Variants in RAD54L2 observed in about 807,000 individuals in gnomAD.
The protein encoded by RAD54L2 is RAD54 like 2.
Under a neutral mutation model 138.4 loss-of-function variants are expected in RAD54L2, and 27 were observed. That is an observed-to-expected ratio of 0.20 (90% CI 0.14 to 0.27). RAD54L2 has a LOEUF of 0.27. Among genes scored for constraint, RAD54L2 ranks in the 10% least tolerant of loss-of-function variants. RAD54L2 has a pLI of 1.00. For missense variants in RAD54L2, 1,396 were observed against 1,890.2 expected, an observed-to-expected ratio of 0.74 and a Z score of 4.85; for synonymous variants, 644 against 723.2, an observed-to-expected ratio of 0.89 and a Z score of 1.76.
intron 2 of RAD54L2, among the ~76,000 whole-genome samples, chr3:51,545,084 A>T (rs1487850792): frequency 1.3e-5 from 2 of 152,192 alleles, no homozygotes; most frequent in African/African-American, 4.8e-5. Context: ...TGCTCAGTCT[A>T]ATACTGTACT....
intron 2 of RAD54L2, among the ~76,000 whole-genome samples, chr3:51,560,726 T>C (rs1405876581): frequency 3.3e-5 from 5 of 152,168 alleles, no homozygotes; most frequent in Non-Finnish European, 5.9e-5. Flanking sequence ...AATCCCCTTT[T>C]ATTCCGCCTT....
At chr3:51,612,473 A>G (rs1193404178) in intron 3 of RAD54L2, among the ~76,000 whole-genome samples, 1 of 152,170 alleles carries the variant, frequency 6.6e-6, no homozygotes, top group Non-Finnish European at 1.5e-5. Context: ...AAACAAAACA[A>G]AACAAAACAA....
intron 7 of RAD54L2, among the ~76,000 whole-genome samples, chr3:51,632,413 C>A (rs1464399796): frequency 2.0e-5 from 3 of 152,136 alleles, no homozygotes; most frequent in Non-Finnish European, 2.9e-5. Flanking sequence ...CCTGCCTCAG[C>A]CTCCCAAGTA....
intron 2 of RAD54L2, among the ~76,000 whole-genome samples, chr3:51,587,937 G>A (rs753623839): frequency 2.3e-4 from 35 of 151,908 alleles, no homozygotes; most frequent in Non-Finnish European, 3.8e-4. Context: ...GGCCGGGTGC[G>A]GTGGCTCATG....
intron 3 of RAD54L2, among the ~76,000 whole-genome samples, chr3:51,621,564 C>T (rs1170910612): frequency 1.3e-5 from 2 of 152,172 alleles, no homozygotes; most frequent in African/African-American, 2.4e-5. Flanking sequence ...GAAGCCAGAA[C>T]AAGGAAATAC....
chr3:51,613,471 G>A (rs753487975), intron 3 of RAD54L2, among the ~76,000 whole-genome samples: 1 of 152,200 alleles, frequency 6.6e-6, no homozygotes, highest in East Asian at 1.9e-4. Context: ...ATTTAAGATG[G>A]TTAAAAAGGC....
At chr3:51,572,725 G>C (rs1325235505) in intron 2 of RAD54L2, among the ~76,000 whole-genome samples, 2 of 146,242 alleles carry the variant, frequency 1.4e-5, no homozygotes, top group Non-Finnish European at 3.0e-5. Context: ...TGCAACCTCC[G>C]CCTCCCGGGT....
rs1206520400 is a variant in RAD54L2 at position 51,662,990 on chromosome 3, CCTA to C, written c.3979_3981del (p.Tyr1327del). On this transcript the variant is annotated inframe_deletion, in exon 23 of 23. Coordinates refer to ENST00000684192, the MANE Select transcript of RAD54L2 (RefSeq NM_015106.4). This position sits in a 1 kb window ranked among gnomAD's most constrained non-coding sequence, Gnocchi z 4.6. The stretch of plus-strand genomic sequence containing the variant: ...TCCCTGTTTATGGGCAGTACCCCCT[CCTA>C]CTACCAGCTGTCCAATTTGCTGGCA... The C allele has an allele frequency of 3.7e-6, 6 of 1,613,914 alleles. No individual in the cohort carries two copies. The highest frequency in any genetic ancestry group is 1.3e-5 in the African/African-American group (1 of 74,924).
At chr3:51,547,658 T>G (rs1362251125) in intron 2 of RAD54L2, among the ~76,000 whole-genome samples, 1 of 151,318 alleles carries the variant, frequency 6.6e-6, no homozygotes, top group Non-Finnish European at 1.5e-5. Flanking sequence ...CTCAGCTCAC[T>G]GCAGCTTCCA....
At chr3:51,592,309 C>T (rs1699857129) in intron 3 of RAD54L2, among the ~76,000 whole-genome samples, 1 of 151,826 alleles carries the variant, frequency 6.6e-6, no homozygotes, top group Non-Finnish European at 1.5e-5. Context: ...GTGATCTGCC[C>T]GCCTTGGCCT....
intron 1 of RAD54L2, among the ~76,000 whole-genome samples, chr3:51,539,481 A>C (rs782057827): frequency 2.6e-5 from 4 of 152,252 alleles, no homozygotes; most frequent in Admixed American, 6.5e-5. Flanking sequence ...AGAGTTAAGC[A>C]GAGAGCTGGA....
In RAD54L2 at chr3:51,638,550, A is replaced by C. The variant is rs759789551; in HGVS notation, c.1860+229A>C. On this transcript the variant is annotated intron_variant, in intron 12 of 22. Coordinates refer to ENST00000684192, the MANE Select transcript of RAD54L2 (RefSeq NM_015106.4). This position sits in a 1 kb window ranked among gnomAD's most constrained non-coding sequence, Gnocchi z 4.3. ...GTGTAATATAACTGATGCCCCCTGC[A>C]GTGTGCAACTCAGCTGCACAACTTG... 1.0e-5 allele frequency: 5 copies of C among 479,960 alleles called. No individual in the cohort carries two copies. Among genetic ancestry groups the C allele is most frequent in the Non-Finnish European group, 1.5e-5 (4 of 272,226 alleles). The allele number at this position is 479,960 out of a possible 1,614,324, so 29.7% of individuals were successfully genotyped here. A position where few individuals can be genotyped will look rare whatever the true frequency, so the allele number is the denominator to read the frequency against.
chr3:51,615,153 A>G (rs1487548123), intron 3 of RAD54L2, among the ~76,000 whole-genome samples: 2 of 152,254 alleles, frequency 1.3e-5, no homozygotes, highest in African/African-American at 4.8e-5. Flanking sequence ...AGCTGGGATT[A>G]CAGGCACCCA....
rs574664870 is a variant in RAD54L2, at chr3:51,564,173, T to C, written c.-55+22523T>C. On this transcript the variant is annotated intron_variant, in intron 2 of 22. Transcript: ENST00000684192. ...CTTAGGAAATCTCAGGCCAGGCTTC[T>C]TTTCTATTCTTCTCTTAAATTGCGA... 2.0e-5 allele frequency among the ~76,000 whole-genome samples: 3 copies of C among 152,302 alleles called. No homozygotes were observed. In the South Asian group the frequency reaches 6.2e-4, roughly 32 times the overall value.
chr3:51,616,473 A>T (rs1172804597), intron 3 of RAD54L2, among the ~76,000 whole-genome samples: 1 of 152,224 alleles, frequency 6.6e-6, no homozygotes, highest in African/African-American at 2.4e-5. Context: ...TAAAACTCAC[A>T]TATTTCACAT....
In RAD54L2 at chr3:51,589,783, A is replaced by G. The variant is rs558462237; in HGVS notation, c.-54-584A>G. On this transcript the variant is annotated intron_variant, in intron 2 of 22. Coordinates refer to ENST00000684192, the MANE Select transcript of RAD54L2 (RefSeq NM_015106.4). Reference sequence around the variant, plus strand: ...CAGGAAACAGTTGATACAGGAAGGAATGAACAAATGGGATTTCCAAGGTTT... The same window carrying G: ...CAGGAAACAGTTGATACAGGAAGGAGTGAACAAATGGGATTTCCAAGGTTT... 2.1e-4 allele frequency among the ~76,000 whole-genome samples: 32 copies of G among 152,120 alleles called. No homozygotes were observed. In the South Asian group the frequency reaches 6.7e-3, roughly 32 times the overall value.
intron 2 of RAD54L2, among the ~76,000 whole-genome samples, chr3:51,562,300 C>T (rs1415101332): frequency 2.7e-5 from 4 of 150,816 alleles, no homozygotes; most frequent in African/African-American, 4.9e-5. Flanking sequence ...GGCGTGATCT[C>T]GGCTCACTGC....
chr3:51,644,487 C>T (rs1701221188), intron 16 of RAD54L2, among the ~76,000 whole-genome samples: 1 of 151,960 alleles, frequency 6.6e-6, no homozygotes, highest in South Asian at 2.1e-4. Flanking sequence ...AACAAAATAC[C>T]CAAGAGTTTT....
intron 2 of RAD54L2, among the ~76,000 whole-genome samples, chr3:51,579,562 G>A (rs1490346577): frequency 6.6e-6 from 1 of 152,044 alleles, no homozygotes; most frequent in East Asian, 1.9e-4. Flanking sequence ...AAACAAATTT[G>A]GTTCATGTGA....
Sources: gnomAD v4.1 joint callset for allele counts (sites outside exome capture counted in the v4.1 genomes callset) on GRCh38, gnomAD v4.1.1 for gene constraint, Gnocchi (gnomAD v3.1) non-coding constraint, MANE v1.5 for transcripts, NCBI Gene and HGNC (gene_info 2026-07-23, HGNC 2026-07-21) for gene names.